Variants in MATK observed in about 807,000 individuals in gnomAD.
MATK encodes the protein megakaryocyte-associated tyrosine-protein kinase.
Under a neutral mutation model 59.8 loss-of-function variants are expected in MATK, and 41 were observed. The observed-to-expected ratio is 0.69, with a 90% CI of 0.53 to 0.89. The LOEUF (loss-of-function observed/expected upper bound fraction) is 0.89, where lower values mean the gene tolerates loss of function less well. MATK is among the 40% of genes least tolerant of loss of function. MATK has a pLI of 0.00. For synonymous variants in MATK, 308 were observed against 306.1 expected, an observed-to-expected ratio of 1.01 and a Z score of -0.06; for missense variants, 593 against 719.6, an observed-to-expected ratio of 0.82 and a Z score of 2.01.
intron 1 of MATK, among the ~76,000 whole-genome samples, chr19:3,795,954 G>A (rs1399847804): frequency 6.7e-6 from 1 of 150,094 alleles, no homozygotes; most frequent in Admixed American, 6.7e-5. Flanking sequence ...TAGAGATGAG[G>A]TTTCACCATG....
chr19:3,800,990 G>T (rs910534637), intron 1 of MATK, among the ~76,000 whole-genome samples: 2 of 152,124 alleles, frequency 1.3e-5, no homozygotes, highest in Non-Finnish European at 2.9e-5. Flanking sequence ...CTCCTGAGTA[G>T]CTGGGATTAC....
chr19:3,784,978 G>T, intron 2 of MATK, 86 bp downstream of exon 2: 1 of 1,466,562 alleles, frequency 6.8e-7, no homozygotes, highest in Non-Finnish European at 9.5e-7. Flanking sequence ...GGCGATGGCT[G>T]GGCAGGCAGA....
upstream of MATK, among the ~76,000 whole-genome samples, chr19:3,787,096 A>G (rs1426307389): frequency 1.3e-5 from 2 of 152,162 alleles, no homozygotes; most frequent in Non-Finnish European, 2.9e-5. Context: ...CAAAACGCCC[A>G]ATCTGCTTTC....
At chr19:3,779,510 T>A (rs1246506180) in intron 10 of MATK, 23 bp downstream of exon 10, 6 of 1,608,306 alleles carry the variant, frequency 3.7e-6, no homozygotes, top group Non-Finnish European at 5.1e-6. Flanking sequence ...GTGGGCCCCC[T>A]CCCCGCCTGG....
upstream of MATK, among the ~76,000 whole-genome samples, chr19:3,786,604 G>A (rs1242006343): frequency 6.6e-6 from 1 of 151,406 alleles, no homozygotes; most frequent in Non-Finnish European, 1.5e-5. This position sits in a 1 kb window ranked among gnomAD's most constrained non-coding sequence, Gnocchi z 4.1. Flanking sequence ...GGGACCGGGG[G>A]TGAGGGAGAG....
rs754460170 is a variant in MATK at position 3,785,119 on chromosome 19, G to C, written c.17C>G (p.Ser6Cys). ...GTGAAATGCCCGCCAGGAAACCAGAGAGCCTCGCCCCGCCATCGCCCCCAG... is the reference window on the plus strand; with the variant it reads ...GTGAAATGCCCGCCAGGAAACCAGACAGCCTCGCCCCGCCATCGCCCCCAG... The part of the protein sequence containing the change: MAGRG[S>C]LVSWRAFHGC... Residue 6 changes from serine to cysteine, a missense_variant, in exon 2 of 14, where the codon TCT (serine) becomes TGT (cysteine). Transcript: ENST00000310132. 6.2e-7 allele frequency: 1 copy of C among 1,614,108 alleles called. No individual in the cohort carries two copies. Among genetic ancestry groups the C allele is most frequent in the Non-Finnish European group, 8.5e-7 (1 of 1,179,998 alleles).
chr19:3,779,481 G>T, intron 10 of MATK, 30 bp from the exon 11 acceptor site: 1 of 1,612,400 alleles, frequency 6.2e-7, no homozygotes, highest in Non-Finnish European at 8.5e-7. Flanking sequence ...GCCGCGGGAT[G>T]TTGGGGCTGC....
intron 1 of MATK, among the ~76,000 whole-genome samples, chr19:3,799,360 AC>A (rs201846117): frequency 9.8e-4 from 149 of 152,280 alleles, no homozygotes; most frequent in African/African-American, 3.3e-3. Context: ...AGTCACCCTC[AC>A]TGCGTGAAGT....
At chr19:3,783,085 G>T (rs377377663) in intron 7 of MATK, 41 bp downstream of exon 7, 6 of 1,596,548 alleles carry the variant, frequency 3.8e-6, no homozygotes, top group Non-Finnish European at 4.3e-6. Context: ...CTGGGCTAAC[G>T]TGGGTAGGGA....
In MATK at chr19:3,786,380, C is replaced by G. The variant is rs2037484881; in HGVS notation, c.-363G>C. 1.0e-6 allele frequency: 1 copy of G among 982,056 alleles called. No individual in the cohort carries two copies. Among genetic ancestry groups the G allele is most frequent in the Admixed American group, 6.3e-5 (1 of 15,938 alleles). The allele number at this position is 982,056 out of a possible 1,614,324, so 60.8% of individuals were successfully genotyped here. A position where few individuals can be genotyped will look rare whatever the true frequency, so the allele number is the denominator to read the frequency against. On this transcript the variant is annotated 5_prime_UTR_variant, in exon 1 of 14. Transcript: ENST00000310132. The surrounding 1 kb of genome is among the most constrained non-coding windows in gnomAD (Gnocchi z 4.1). The stretch of plus-strand genomic sequence containing the variant: ...CCCGCGGGTCCTAGCGCCGGCCGCA[C>G]TGCGGTCTCCTCCGCGCGCCGCCGC...
At chr19:3,783,751 A>C in intron 6 of MATK, 63 bp downstream of exon 6, 3 of 1,464,860 alleles carry the variant, frequency 2.0e-6, no homozygotes, top group Non-Finnish European at 2.8e-6. Context: ...TACGTAGGGG[A>C]GTCTCCGGAG....
In MATK at chr19:3,779,424, G is replaced by A. The variant is rs1007384778; in HGVS notation, c.955C>T (p.Arg319Trp). The A allele has an allele frequency of 5.6e-6, 9 of 1,613,178 alleles. No individual in the cohort carries two copies. The highest frequency in any genetic ancestry group is 3.3e-5 in the South Asian group (3 of 91,092). Residue 319 changes from arginine (R) to tryptophan (W), a missense_variant, in exon 11 of 14, where the codon CGG (arginine) becomes TGG (tryptophan). Arg to Trp is a moderately radical substitution (Grantham distance 101). Coordinates refer to ENST00000310132, the MANE Select transcript of MATK (RefSeq NM_139355.3). ...KGNLVNFLRT[R>W]GRALVNTAQL... ...GCGGTGTTCACGAGGGCTCGACCCC[G>A]GGTCCGCAGAAAGTTCACCAGGTTG...
In MATK at chr19:3,782,518, T is replaced by C. The variant is rs115316415; in HGVS notation, c.676+608A>G. Among the ~76,000 whole-genome samples, 182 of 152,320 alleles carry C rather than the reference T, an allele frequency of 1.2e-3. 1 individual carries two copies. The Middle Eastern group carries it at 0.014, about 11-fold the overall frequency. ...CATTTCAGGTGAAGGGAACAGAATA[T>C]ACAATGGCTCAGAGGCATGAAGAAA... On this transcript the variant is annotated intron_variant, in intron 7 of 13. Transcript: ENST00000310132.
At chr19:3,783,245 GC>G (rs1288773747) in intron 6 of MATK, 26 bp from the exon 7 acceptor site, 2 of 1,313,610 alleles carry the variant, frequency 1.5e-6, no homozygotes, top group African/African-American at 3.4e-5. Flanking sequence ...ACAGCCATGA[GC>G]CCAGCCCCAG....
chr19:3,783,260 G>T (rs770622417), intron 6 of MATK, 41 bp from the exon 7 acceptor site: 1 of 1,252,540 alleles, frequency 8.0e-7, no homozygotes, highest in Non-Finnish European at 1.1e-6. Flanking sequence ...GCCCCAGGGA[G>T]GGGAACCCCA....
intron 7 of MATK, chr19:3,782,808 GA>G (rs2037419444): frequency 2.5e-6 from 1 of 406,854 alleles, no homozygotes; most frequent in South Asian, 2.9e-5. Flanking sequence ...GGGGAGGGGA[GA>G]AGATTCACCA....
chr19:3,780,439 T>A (rs199819952), intron 8 of MATK, among the ~76,000 whole-genome samples: 1 of 126,924 alleles, frequency 7.9e-6, no homozygotes, highest in Admixed American at 7.3e-5. Context: ...TAATTAATTA[T>A]TTATTTGAGA....
intron 12 of MATK, 126 bp from the exon 13 acceptor site, chr19:3,778,721 C>T (rs961907690): frequency 2.3e-5 from 25 of 1,071,682 alleles, no homozygotes; most frequent in Non-Finnish European, 3.1e-5. Context: ...AGTCCTCCCC[C>T]AACGCCGCCC....
chr19:3,788,661 A>G (rs1359363268), upstream of MATK, among the ~76,000 whole-genome samples: 1 of 147,404 alleles, frequency 6.8e-6, no homozygotes, highest in African/African-American at 2.5e-5. Flanking sequence ...GGATCTGGCT[A>G]TGTTGCCCAG....
Sources: gnomAD v4.1 joint callset for allele counts (sites outside exome capture counted in the v4.1 genomes callset) on GRCh38, gnomAD v4.1.1 for gene constraint, Gnocchi (gnomAD v3.1) non-coding constraint, MANE v1.5 for transcripts, NCBI Gene and HGNC (gene_info 2026-07-23, HGNC 2026-07-21) for gene names.